Variants in GRID2 observed in about 807,000 individuals in gnomAD.
GRID2 encodes the protein glutamate ionotropic receptor delta type subunit 2, also known as glutamate receptor ionotropic, delta-2.
Under a neutral mutation model 114.8 loss-of-function variants are expected in GRID2, and 33 were observed. The ratio of observed to expected loss-of-function variants is 0.29; its 90% CI spans 0.22 to 0.38. The LOEUF is 0.38. Among genes scored for constraint, GRID2 ranks in the 10% least tolerant of loss-of-function variants. The probability of loss-of-function intolerance (pLI) is 1.00; values close to 1 mark genes in which losing one functional copy is unlikely to be tolerated. For missense variants in GRID2, 1,184 were observed against 1,257.7 expected, an observed-to-expected ratio of 0.94 and a Z score of 0.89; for synonymous variants, 505 against 449.9, an observed-to-expected ratio of 1.12 and a Z score of -1.55.
At chr4:93,688,260 T>A (rs924411618) in intron 14 of GRID2, among the ~76,000 whole-genome samples, 2 of 151,894 alleles carry the variant, frequency 1.3e-5, no homozygotes, top group African/African-American at 4.8e-5. Flanking sequence ...TCTCCAAATC[T>A]GATAGAAAGA....
intron 2 of GRID2, among the ~76,000 whole-genome samples, chr4:92,763,427 G>T (rs1043147249): frequency 2.0e-5 from 3 of 151,922 alleles, no homozygotes; most frequent in Admixed American, 6.6e-5. Context: ...ACCAAATGTG[G>T]CTCAAACATA....
At chr4:92,448,256 C>T (rs368260501) in intron 1 of GRID2, among the ~76,000 whole-genome samples, 1 of 152,008 alleles carries the variant, frequency 6.6e-6, no homozygotes, top group East Asian at 1.9e-4. Context: ...CTCACTGCAA[C>T]CTCTACCTCT....
chr4:93,467,948 T>C (rs1724447167), intron 11 of GRID2, among the ~76,000 whole-genome samples: 1 of 152,228 alleles, frequency 6.6e-6, no homozygotes, highest in Admixed American at 6.5e-5. Context: ...TTGAAATAAG[T>C]GAAATGTCTT....
chr4:92,750,970 C>T (rs1351886793), intron 2 of GRID2, among the ~76,000 whole-genome samples: 2 of 151,930 alleles, frequency 1.3e-5, no homozygotes. Flanking sequence ...ATTGTGTGTT[C>T]ACAAAATATT....
chr4:93,116,555 A>G (rs1391083364), intron 4 of GRID2, among the ~76,000 whole-genome samples: 1 of 152,048 alleles, frequency 6.6e-6, no homozygotes, highest in African/African-American at 2.4e-5. Context: ...TCAATAACAA[A>G]TCTCCAAAAT....
At chr4:92,971,402 GT>G (rs906613310) in intron 2 of GRID2, among the ~76,000 whole-genome samples, 2 of 151,864 alleles carry the variant, frequency 1.3e-5, no homozygotes, top group South Asian at 2.1e-4. Flanking sequence ...AAAATTGCTA[GT>G]TTTTTTCCTT....
intron 2 of GRID2, among the ~76,000 whole-genome samples, chr4:92,909,564 C>T (rs942517313): frequency 2.0e-5 from 3 of 152,064 alleles, no homozygotes; most frequent in African/African-American, 7.2e-5. Flanking sequence ...TTTCCACATT[C>T]TAGGAAACTC....
In GRID2 at chr4:92,841,035, C is replaced by T. The variant is rs181042674; in HGVS notation, c.245-243960C>T. 9.4e-4 allele frequency among the ~76,000 whole-genome samples: 143 copies of T among 152,060 alleles called. 1 individual carries two copies. Among genetic ancestry groups the T allele is most frequent in the Non-Finnish European group, 1.6e-3 (111 of 67,950 alleles). ...TCTTGATTCCAAGATCTGCTCTGGT[C>T]TCATCAAGAAGATTTAGGATATGGA... On this transcript the variant is annotated intron_variant, in intron 2 of 15. Transcript: ENST00000282020.
At chr4:93,686,448 C>T (rs941752806) in intron 14 of GRID2, among the ~76,000 whole-genome samples, 1 of 151,576 alleles carries the variant, frequency 6.6e-6, no homozygotes, top group Non-Finnish European at 1.5e-5. Context: ...TACTATGTGC[C>T]AGATATTGCT....
intron 8 of GRID2, among the ~76,000 whole-genome samples, chr4:93,320,356 G>T (rs1453237716): frequency 6.6e-6 from 1 of 152,044 alleles, no homozygotes; most frequent in African/African-American, 2.4e-5. Context: ...AATTGATGAA[G>T]ATCTAAAATT....
chr4:93,151,803 A>G (rs1171707730), intron 4 of GRID2, among the ~76,000 whole-genome samples: 2 of 152,104 alleles, frequency 1.3e-5, no homozygotes, highest in Admixed American at 6.6e-5. Context: ...ATCTCTCAAG[A>G]TGATATTTTA....
At position 92,665,765 on chromosome 4, in the gene GRID2, G is replaced by C. The variant is rs748907373; in HGVS notation, c.244+75479G>C. Among the ~76,000 whole-genome samples, 4 of 150,286 alleles carry C rather than the reference G, an allele frequency of 2.7e-5. No individual in the cohort carries two copies. In the South Asian group the frequency reaches 8.3e-4, roughly 31 times the overall value. On this transcript the variant is annotated intron_variant, in intron 2 of 15. Coordinates refer to ENST00000282020, the MANE Select transcript of GRID2 (RefSeq NM_001510.4). ...ATAATAGTCCATTGCCTTCTAGACT[G>C]CAGTTTCTGATGAGAAATCTACTGA... is the stretch of plus-strand genomic sequence containing the variant.
Position 93,178,756 on chromosome 4 carries a change from T to C in GRID2, c.736-28648T>C, listed in dbSNP as rs527998440. On this transcript the variant is annotated intron_variant, in intron 4 of 15. Transcript: ENST00000282020. The stretch of plus-strand genomic sequence containing the variant: ...GATGTGTGTGAATGTGTGTGTGCGC[T>C]GAGATCATTTTAAGAAATGGAGTTT... Among the ~76,000 whole-genome samples, 7 of 147,578 alleles carry C rather than the reference T, an allele frequency of 4.7e-5. No homozygotes were observed. The South Asian group carries it at 1.3e-3, about 27-fold the overall frequency.
chr4:93,652,694 C>G (rs1722680182), intron 14 of GRID2, among the ~76,000 whole-genome samples: 1 of 146,140 alleles, frequency 6.8e-6, no homozygotes, highest in African/African-American at 2.5e-5. Context: ...GACTATGTCT[C>G]TTGTTCAAGC....
intron 1 of GRID2, among the ~76,000 whole-genome samples, chr4:92,542,667 A>G (rs1726033083): frequency 6.6e-6 from 1 of 152,046 alleles, no homozygotes; most frequent in South Asian, 2.1e-4. Flanking sequence ...AAGGCTACAC[A>G]TTGGGTACAG....
chr4:92,630,306 G>T (rs984837964), intron 2 of GRID2, among the ~76,000 whole-genome samples: 11 of 152,078 alleles, frequency 7.2e-5, no homozygotes, highest in African/African-American at 2.2e-4. Flanking sequence ...TGTGTATTCT[G>T]TGTTGCACAT....
intron 8 of GRID2, among the ~76,000 whole-genome samples, chr4:93,363,314 C>T (rs1364617937): frequency 4.6e-5 from 7 of 152,124 alleles, no homozygotes; most frequent in African/African-American, 1.7e-4. Context: ...GCCTCTTTGT[C>T]CTTGGAGGAG....
chr4:93,540,312 A>G (rs1476039274), intron 13 of GRID2, among the ~76,000 whole-genome samples: 1 of 151,796 alleles, frequency 6.6e-6, no homozygotes, highest in East Asian at 1.9e-4. Flanking sequence ...GGCCTTTAAC[A>G]TTTTCTTCTC....
chr4:93,489,135 A>G (rs930710133), intron 11 of GRID2, among the ~76,000 whole-genome samples: 1 of 152,038 alleles, frequency 6.6e-6, no homozygotes, highest in Non-Finnish European at 1.5e-5. Flanking sequence ...TGTTATTTTT[A>G]AAAAGATAAA....
Sources: gnomAD v4.1 joint callset for allele counts (sites outside exome capture counted in the v4.1 genomes callset) on GRCh38, gnomAD v4.1.1 for gene constraint, MANE v1.5 for transcripts, NCBI Gene and HGNC (gene_info 2026-07-23, HGNC 2026-07-21) for gene names.